Variants in DAB1 observed in about 807,000 individuals in gnomAD.
The protein encoded by DAB1 is DAB adaptor protein 1.
In DAB1, 15 loss-of-function variants were observed where a neutral mutation model predicts 64.6. That is an observed-to-expected ratio of 0.23 (90% confidence interval 0.16 to 0.36). The LOEUF (loss-of-function observed/expected upper bound fraction) is 0.36, where lower values mean the gene tolerates loss of function less well. Among genes scored for constraint, DAB1 ranks in the 10% least tolerant of loss-of-function variants. DAB1 has a pLI of 1.00. For missense variants in DAB1, 596 were observed against 706.7 expected, an observed-to-expected ratio of 0.84 and a Z score of 1.78; for synonymous variants, 235 against 251.9, an observed-to-expected ratio of 0.93 and a Z score of 0.64.
At chr1:58,295,318 A>T (rs1217067955) in intron 4 of DAB1, among the ~76,000 whole-genome samples, 1 of 152,180 alleles carries the variant, frequency 6.6e-6, no homozygotes, top group Non-Finnish European at 1.5e-5. Flanking sequence ...CACAAGTGAG[A>T]ATTCTGAAGC....
At chr1:57,730,955 T>C (rs1347721740) in intron 6 of DAB1, among the ~76,000 whole-genome samples, 2 of 152,138 alleles carry the variant, frequency 1.3e-5, no homozygotes, top group Non-Finnish European at 2.9e-5. Context: ...TAGCATTTGA[T>C]CCAGTCAGTC....
At chr1:58,307,970 A>C (rs1303690117) in intron 4 of DAB1, among the ~76,000 whole-genome samples, 1 of 152,112 alleles carries the variant, frequency 6.6e-6, no homozygotes, top group Non-Finnish European at 1.5e-5. Flanking sequence ...CCACAGAGGC[A>C]ATGGCACTGG....
At chr1:58,302,348 A>G (rs1369559379) in intron 4 of DAB1, among the ~76,000 whole-genome samples, 1 of 152,062 alleles carries the variant, frequency 6.6e-6, no homozygotes, top group African/African-American at 2.4e-5. Context: ...GCCCTAACTG[A>G]GGCCCTGGTT....
intron 8 of DAB1, 53 bp downstream of exon 8, chr1:57,069,307 T>G (rs1651226143): frequency 7.4e-7 from 1 of 1,359,412 alleles, no homozygotes; most frequent in Non-Finnish European, 1.1e-6. Flanking sequence ...ATCAGTACAT[T>G]TATGCATGTA....
intron 5 of DAB1, among the ~76,000 whole-genome samples, chr1:58,133,084 T>G (rs1248713957): frequency 6.6e-6 from 1 of 152,214 alleles, no homozygotes; most frequent in Non-Finnish European, 1.5e-5. Flanking sequence ...TGTCCCCTTC[T>G]TCCATTTCTG....
At chr1:58,370,628 C>T (rs1644257471) in intron 3 of DAB1, among the ~76,000 whole-genome samples, 1 of 152,078 alleles carries the variant, frequency 6.6e-6, no homozygotes. Context: ...GGCTCTGTGT[C>T]CTCACCCAAA....
At chr1:57,049,374 C>T (rs1231488392) in intron 9 of DAB1, among the ~76,000 whole-genome samples, 1 of 141,932 alleles carries the variant, frequency 7.0e-6, no homozygotes, top group Non-Finnish European at 1.5e-5. Flanking sequence ...TGGCATGAAC[C>T]CGGGAGGCAG....
rs372236910 is a variant in DAB1, at chr1:57,249,796, T to G, written c.67+41168A>C. ...CACTGCCTAATCCCACTGATGGAGCTTTGTACATCTGAAAACTATTACTCC... is the reference window on the plus strand; with the variant it reads ...CACTGCCTAATCCCACTGATGGAGCGTTGTACATCTGAAAACTATTACTCC... On this transcript the variant is annotated intron_variant, in intron 2 of 14. Transcript: ENST00000371236. 2.8e-4 allele frequency among the ~76,000 whole-genome samples: 43 copies of G among 152,368 alleles called. No homozygotes were observed. The East Asian group carries it at 7.7e-3, about 27-fold the overall frequency.
At chr1:57,138,826 G>C (rs1252679841) in intron 3 of DAB1, among the ~76,000 whole-genome samples, 1 of 152,158 alleles carries the variant, frequency 6.6e-6, no homozygotes. Context: ...CCTCCTGGAA[G>C]TTACCACCAT....
chr1:58,140,580 A>C (rs1444142104), intron 5 of DAB1, among the ~76,000 whole-genome samples: 1 of 152,042 alleles, frequency 6.6e-6, no homozygotes, highest in Admixed American at 6.6e-5. Flanking sequence ...GGAGAACTAA[A>C]AAAAAAAAAT....
At position 57,691,447 on chromosome 1, in the gene DAB1, G is replaced by A. The variant is rs11808571; in HGVS notation, n.552-41782C>T. Among the ~76,000 whole-genome samples the A allele has an allele frequency of 2.5e-3, 376 of 152,216 alleles. 2 individuals are homozygous for A. The highest frequency in any genetic ancestry group is 8.1e-3 in the African/African-American group (338 of 41,538). ...ATAAGGGAATAAAAGCTGGCCACCC[G>A]AGACAGCAGCGGCAACCTGCTAAGG... On this transcript the variant is annotated intron_variant and non_coding_transcript_variant, in intron 6 of 20. Transcript: ENST00000485760.
intron 1 of DAB1, chr1:57,866,901 A>G (rs887712054): frequency 2.0e-5 from 3 of 152,144 alleles, no homozygotes; most frequent in Admixed American, 6.5e-5. Flanking sequence ...AGAGCAGGTG[A>G]AAGCTCCTGG....
intron 1 of DAB1, among the ~76,000 whole-genome samples, chr1:57,380,982 T>C (rs1264190201): frequency 2.0e-5 from 3 of 152,088 alleles, no homozygotes; most frequent in Non-Finnish European, 4.4e-5. Context: ...TCCATCCCTA[T>C]CCTAAAATAT....
At chr1:57,431,143 C>CACAAAAAAAAAAAAAAAAAAAA (rs749097562) in intron 7 of DAB1, among the ~76,000 whole-genome samples, 4 of 96,402 alleles carry the variant, frequency 4.1e-5, no homozygotes, top group African/African-American at 7.4e-5. Flanking sequence ...AGGCCAAAAA[C>CACAAAAAAAAAAAAAAAAAAAA]AAAAAAAAAA....
At chr1:57,027,780 T>C (rs1486992253) in intron 9 of DAB1, among the ~76,000 whole-genome samples, 2 of 152,240 alleles carry the variant, frequency 1.3e-5, no homozygotes, top group African/African-American at 4.8e-5. Flanking sequence ...TACTTGCAGC[T>C]CTTCCTTCCC....
chr1:57,693,877 C>G (rs1012069113), intron 6 of DAB1, among the ~76,000 whole-genome samples: 1 of 152,186 alleles, frequency 6.6e-6, no homozygotes, highest in East Asian at 1.9e-4. Flanking sequence ...AAGAACCCAC[C>G]AGAAGGAATA....
intron 4 of DAB1, among the ~76,000 whole-genome samples, chr1:57,080,317 C>T (rs1013096487): frequency 2.0e-5 from 3 of 152,192 alleles, no homozygotes; most frequent in Non-Finnish European, 4.4e-5. Context: ...TCAGCAGGAT[C>T]CTGTGTCCAG....
At chr1:57,314,769 AAC>A (rs34741914) in intron 1 of DAB1, among the ~76,000 whole-genome samples, 8 of 150,740 alleles carry the variant, frequency 5.3e-5, no homozygotes, top group South Asian at 2.1e-4. Flanking sequence ...AAAAACACAA[AAC>A]ACACACACAC....
chr1:57,765,393 T>C (rs991691883), intron 6 of DAB1, among the ~76,000 whole-genome samples: 1 of 152,332 alleles, frequency 6.6e-6, no homozygotes, highest in East Asian at 1.9e-4. Flanking sequence ...ACTTTAATAC[T>C]ATTCCCAAGT....
Sources: allele counts gnomAD v4.1 joint callset (sites outside exome capture counted in the v4.1 genomes callset), GRCh38; gene constraint gnomAD v4.1.1; transcripts MANE v1.5; gene names NCBI Gene and HGNC (gene_info 2026-07-23, HGNC 2026-07-21).